HK1: variants seen among roughly 807,000 people sequenced by gnomAD.
HK1 encodes hexokinase-1.
HK1 carries 28 observed loss-of-function variants against 91.6 expected under a neutral mutation model. That is an observed-to-expected ratio of 0.31 (90% CI 0.23 to 0.42). The LOEUF (loss-of-function observed/expected upper bound fraction) is 0.42. Ranked by LOEUF, HK1 falls within the 10% of genes least tolerant of loss-of-function variation. HK1 has a pLI of 1.00. For synonymous variants in HK1, 430 were observed against 468.1 expected (o/e 0.92, Z 1.05); for missense variants, 770 against 1,219.8 (o/e 0.63, Z 5.49).
intron 2 of HK1, among the ~76,000 whole-genome samples, chr10:69,351,169 C>A (rs7476246): frequency 2.1e-5 from 3 of 145,786 alleles, no homozygotes; most frequent in Non-Finnish European, 3.0e-5. Flanking sequence ...AGCGAGACTC[C>A]GTCTCAAAAT....
chr10:69,327,652 T>C (rs1413636085), intron 1 of HK1, among the ~76,000 whole-genome samples: 1 of 152,184 alleles, frequency 6.6e-6, no homozygotes, highest in African/African-American at 2.4e-5. Flanking sequence ...TCTGCCAAGT[T>C]GCCATCCGTG....
intron 1 of HK1, among the ~76,000 whole-genome samples, chr10:69,340,770 T>C (rs1281017439): frequency 2.0e-5 from 3 of 152,140 alleles, no homozygotes; most frequent in Non-Finnish European, 4.4e-5. Context: ...CTCATCATGG[T>C]TGTAATCAGT....
Position 69,376,988 on chromosome 10 carries a change from A to G in HK1, c.930A>G (p.Leu310=), listed in dbSNP as rs2132855097. The stretch of plus-strand genomic sequence containing the variant: ...TGGGAGAGCTGGTTCGACTGATCCT[A>G]GTCAAGATGGCCAAGGAGGGCCTCT... ...MYLGELVRLI[L]VKMAKEGLLF... Residue 310 remains leucine, a synonymous_variant, in exon 8 of 18, where the codon CTA becomes CTG. Transcript: ENST00000359426. 6.2e-7 allele frequency: 1 copy of G among 1,614,190 alleles called. No homozygotes were observed. The highest frequency in any genetic ancestry group is 8.5e-7 in the Non-Finnish European group (1 of 1,180,024).
chr10:69,352,400 G>T lies in HK1; in HGVS notation c.227-7497G>T, dbSNP rs922715097. Among the ~76,000 whole-genome samples the T allele has an allele frequency of 9.9e-5, 15 of 152,250 alleles. 1 individual carries two copies. In the East Asian group the frequency reaches 2.1e-3, roughly 22 times the overall value. ...TGATTTGAACAATGCCACAAAGTCGGGGTCAGAATTTCCACCAAATCTATG... is the reference window on the plus strand; with the variant it reads ...TGATTTGAACAATGCCACAAAGTCGTGGTCAGAATTTCCACCAAATCTATG... On this transcript the variant is annotated intron_variant, in intron 2 of 17. Coordinates refer to ENST00000359426, the MANE Select transcript of HK1 (RefSeq NM_000188.3).
At position 69,389,208 on chromosome 10, in the gene HK1, G is replaced by C; in HGVS notation, c.1947G>C (p.Leu649=). ...CTTTCTTTGCAAAGGAATTTGACCT[G>C]GACGTGGTGGCTGTGGTCAACGACA... ...DAIKRREEFD[L]DVVAVVNDTV... Residue 649 remains leucine (L), a synonymous_variant, in exon 14 of 18, where the codon CTG becomes CTC. Coordinates refer to ENST00000359426, the MANE Select transcript of HK1 (RefSeq NM_000188.3). 2 of 1,613,816 alleles carry C rather than the reference G, an allele frequency of 1.2e-6. No individual in the cohort carries two copies. The highest frequency in any genetic ancestry group is 1.7e-6 in the Non-Finnish European group (2 of 1,179,750).
chr10:69,386,090 A>G (rs1472776657), intron 12 of HK1, among the ~76,000 whole-genome samples: 2 of 115,872 alleles, frequency 1.7e-5, no homozygotes, highest in African/African-American at 7.0e-5. Flanking sequence ...AGACATTGCT[A>G]TTTACCTAAT....
intron 2 of HK1, among the ~76,000 whole-genome samples, chr10:69,285,619 G>A (rs1199831394): frequency 6.6e-6 from 1 of 152,168 alleles, no homozygotes; most frequent in Admixed American, 6.5e-5. Flanking sequence ...CAGATTTGGG[G>A]GAAGGGCAAT....
Position 69,369,459 on chromosome 10 carries a change from G to A in HK1, c.710G>A (p.Cys237Tyr). The change falls in exon 7 of 18, where the codon TGC (cysteine) becomes TAC (tyrosine). Residue 237 changes from cysteine (C) to tyrosine (Y), a missense_variant. Transcript: ENST00000359426. This position sits in a 1 kb window ranked among gnomAD's most constrained non-coding sequence, Gnocchi z 4.4. ...GLIIGTGTNA[C>Y]YMEELRHIDL... ...TGCCCAGGCACTGGCACCAATGCTTGCTACATGGAGGAACTGAGGCACATT... is the reference window on the plus strand; with the variant it reads ...TGCCCAGGCACTGGCACCAATGCTTACTACATGGAGGAACTGAGGCACATT... The A allele has an allele frequency of 6.2e-7, 1 of 1,614,234 alleles. No individual in the cohort carries two copies. The highest frequency in any genetic ancestry group is 8.5e-7 in the Non-Finnish European group (1 of 1,180,038).
At chr10:69,382,815 A>C (rs755661939) in intron 10 of HK1, 24 bp downstream of exon 10, 1 of 1,604,614 alleles carries the variant, frequency 6.2e-7, no homozygotes, top group Admixed American at 1.7e-5. Context: ...GGGGGCTGAC[A>C]TGCCTGTCCT....
At chr10:69,341,049 G>T (rs187580807) in intron 1 of HK1, among the ~76,000 whole-genome samples, 22 of 152,250 alleles carry the variant, frequency 1.4e-4, no homozygotes, top group African/African-American at 5.3e-4. Context: ...CACTATGATG[G>T]CAAGGGCTGC....
chr10:69,293,423 A>T (rs1167274347), intron 3 of HK1, among the ~76,000 whole-genome samples: 1 of 152,220 alleles, frequency 6.6e-6, no homozygotes, highest in East Asian at 1.9e-4. Context: ...ATACTGGAGG[A>T]GGAAGGAAGA....
chr10:69,338,402 G>A, intron 1 of HK1: 1 of 1,224,106 alleles, frequency 8.2e-7, no homozygotes, highest in South Asian at 1.4e-5. Flanking sequence ...AGACTGACCA[G>A]AGTCCCACAT....
chr10:69,282,752 CG>C (rs1431479143), intron 2 of HK1: 1 of 152,098 alleles, frequency 6.6e-6, no homozygotes, highest in African/African-American at 2.4e-5. Flanking sequence ...TGGGCTGTGA[CG>C]GCCTCACTTC....
chr10:69,283,175 G>A (rs1200805028), intron 2 of HK1, among the ~76,000 whole-genome samples: 7 of 148,670 alleles, frequency 4.7e-5, no homozygotes, highest in African/African-American at 1.5e-4. Context: ...GGCAGGGTGC[G>A]GTGGCTCACA....
chr10:69,385,118 C>T lies in HK1; in HGVS notation c.1839+203C>T, dbSNP rs560898614. Among the ~76,000 whole-genome samples the T allele has an allele frequency of 1.4e-4, 21 of 152,286 alleles. No individual in the cohort carries two copies. In the East Asian group the frequency reaches 4.1e-3, roughly 29 times the overall value. ...TCTTCTTTTCTCTTTGAAAGCGTCA[C>T]CTTTTCTGGGAAACCTTCTGGTCCT... On this transcript the variant is annotated intron_variant, in intron 12 of 17. Coordinates refer to ENST00000359426, the MANE Select transcript of HK1 (RefSeq NM_000188.3).
intron 1 of HK1, among the ~76,000 whole-genome samples, chr10:69,324,417 C>A (rs971887523): frequency 2.0e-5 from 3 of 151,636 alleles, no homozygotes; most frequent in African/African-American, 7.3e-5. Flanking sequence ...ATGGTGAAAC[C>A]CCGTCTCTAC....
intron 14 of HK1, 190 bp downstream of exon 14, chr10:69,389,486 G>C (rs746941752): frequency 5.2e-6 from 3 of 582,350 alleles, no homozygotes; most frequent in Admixed American, 2.2e-5. Flanking sequence ...AGGTGGGGGG[G>C]CCTTTCTTAA....
In HK1 at chr10:69,369,566, A is replaced by G; in HGVS notation, c.817A>G (p.Ile273Val). 6.2e-7 allele frequency: 1 copy of G among 1,614,210 alleles called. No homozygotes were observed. The highest frequency in any genetic ancestry group is 1.1e-5 in the South Asian group (1 of 91,078). Reference protein sequence around the residue: ...AFGDDGSLEDIRTEFDREIDR... With the variant: ...AFGDDGSLEDVRTEFDREIDR... ...TGGAGACGATGGATCATTAGAAGAC[A>G]TCCGGACAGAGTTTGACAGGGAGAT... Residue 273 changes from isoleucine (I) to valine (V), a missense_variant, in exon 7 of 18, where the codon ATC becomes GTC. Physicochemically the swap from Ile to Val is conservative, Grantham distance 29. Transcript: ENST00000359426. This position sits in a 1 kb window ranked among gnomAD's most constrained non-coding sequence, Gnocchi z 4.4.
At chr10:69,362,436 T>G (rs1178411146) in intron 3 of HK1, among the ~76,000 whole-genome samples, 5 of 113,520 alleles carry the variant, frequency 4.4e-5, no homozygotes, top group African/African-American at 1.8e-4. Flanking sequence ...AAAATAATGT[T>G]TTTTTTTTTT....
Sources: allele counts gnomAD v4.1 joint callset (sites outside exome capture counted in the v4.1 genomes callset), GRCh38; gene constraint gnomAD v4.1.1; non-coding constraint Gnocchi (gnomAD v3.1); transcripts MANE v1.5; gene names NCBI Gene and HGNC (gene_info 2026-07-23, HGNC 2026-07-21).